The following COA1 variants were observed in gnomAD, a reference collection of about 807,000 sequenced individuals.
The protein encoded by COA1 is cytochrome c oxidase assembly factor 1.
A neutral mutation model predicts 16.0 loss-of-function variants in COA1; 13 were observed. The ratio of observed to expected loss-of-function variants is 0.81; its 90% confidence interval spans 0.53 to 1.29. COA1 has a LOEUF of 1.29. Ranked by LOEUF, COA1 falls within the 50% of genes most tolerant of loss-of-function variation. COA1 has a pLI of 0.00. For missense variants in COA1, 179 were observed against 177.0 expected (o/e 1.01, Z -0.06); for synonymous variants, 65 against 65.7 (o/e 0.99, Z 0.05).
chr7:43,691,377 G>A (rs186464681), intron 1 of COA1, among the ~76,000 whole-genome samples: 9,002 of 30,262 alleles, frequency 0.3, 1,042 homozygotes, highest in Admixed American at 0.35. Context: ...GGGAGGGAGG[G>A]AGGAAGGAAG....
In COA1 at chr7:43,639,528, G is replaced by A; in HGVS notation, c.*54C>T. 6.9e-7 allele frequency: 1 copy of A among 1,446,376 alleles called. No individual in the cohort carries two copies. Among genetic ancestry groups the A allele is most frequent in the Admixed American group, 1.7e-5 (1 of 59,516 alleles). The allele number at this position is 1,446,376 out of a possible 1,614,324, so 89.6% of individuals were successfully genotyped here. Reference sequence around the variant, plus strand: ...TGGGCCACCACCCCAGTGGCCATATGGTAGAGATGAGGGAAGGATGGACTA... The same window carrying A: ...TGGGCCACCACCCCAGTGGCCATATAGTAGAGATGAGGGAAGGATGGACTA... On this transcript the variant is annotated 3_prime_UTR_variant, in exon 6 of 6. Transcript: ENST00000223336.
intron 1 of COA1, among the ~76,000 whole-genome samples, chr7:43,672,292 A>G (rs774298040): frequency 7.9e-5 from 12 of 152,230 alleles, no homozygotes; most frequent in African/African-American, 2.9e-4. Flanking sequence ...AGCGAATCGA[A>G]TCTAGCAGCA....
At chr7:43,624,129 T>C (rs953815343) in intron 6 of COA1, among the ~76,000 whole-genome samples, 4 of 152,152 alleles carry the variant, frequency 2.6e-5, no homozygotes, top group African/African-American at 9.7e-5. Context: ...CATACCTCAG[T>C]ATAACAGGAT....
chr7:43,658,288 G>C (rs1175116946), intron 1 of COA1, among the ~76,000 whole-genome samples: 1 of 151,930 alleles, frequency 6.6e-6, no homozygotes, highest in Non-Finnish European at 1.5e-5. Context: ...GAACTTGAGA[G>C]GCAGAGCCTG....
chr7:43,722,296 C>T (rs1255653484), intron 1 of COA1, among the ~76,000 whole-genome samples: 1 of 152,004 alleles, frequency 6.6e-6, no homozygotes, highest in Non-Finnish European at 1.5e-5. Context: ...GGTTTCGCCA[C>T]TTTGCCCAAG....
chr7:43,719,221 GCCAC>G (rs2095457242), intron 1 of COA1, among the ~76,000 whole-genome samples: 1 of 152,106 alleles, frequency 6.6e-6, no homozygotes, highest in African/African-American at 2.4e-5. Flanking sequence ...GCCCAGCTCA[GCCAC>G]CCAAAGTGCT....
chr7:43,613,237 A>G (rs951811796), intron 6 of COA1, among the ~76,000 whole-genome samples: 2 of 152,206 alleles, frequency 1.3e-5, no homozygotes, highest in Admixed American at 6.5e-5. Context: ...TCAGGGTGCA[A>G]AAATTCCACA....
chr7:43,700,081 A>G (rs1161670017), intron 1 of COA1, among the ~76,000 whole-genome samples: 2 of 152,140 alleles, frequency 1.3e-5, no homozygotes, highest in Non-Finnish European at 2.9e-5. Context: ...AAAAATCAAG[A>G]CTGTACCAGC....
intron 1 of COA1, among the ~76,000 whole-genome samples, chr7:43,679,121 G>A (rs903556184): frequency 6.6e-6 from 1 of 152,072 alleles, no homozygotes. Context: ...CAAAAAATTA[G>A]CTGGGCATGG....
At chr7:43,720,171 C>A (rs920788547) in intron 1 of COA1, among the ~76,000 whole-genome samples, 5 of 151,506 alleles carry the variant, frequency 3.3e-5, no homozygotes, top group African/African-American at 1.2e-4. Context: ...CCCAGCTACT[C>A]GGGAGGCTGA....
At chr7:43,659,345 A>G (rs1383832562) in intron 1 of COA1, among the ~76,000 whole-genome samples, 1 of 152,242 alleles carries the variant, frequency 6.6e-6, no homozygotes, top group Non-Finnish European at 1.5e-5. Flanking sequence ...AGTAATGATA[A>G]AGAGTCTTGA....
intron 1 of COA1, among the ~76,000 whole-genome samples, chr7:43,694,133 T>G (rs1034942297): frequency 1.3e-4 from 19 of 148,332 alleles, no homozygotes; most frequent in African/African-American, 4.0e-4. Flanking sequence ...CACTGCACAC[T>G]AGATCCCAGT....
chr7:43,646,729 G>A, intron 3 of COA1: 1 of 416,808 alleles, frequency 2.4e-6, no homozygotes, highest in Admixed American at 2.5e-5. Context: ...GCTCATCTCA[G>A]GCCCCCTCCA....
chr7:43,645,204 C>G (rs2302031), intron 4 of COA1, 47 bp downstream of exon 4: 941,915 of 1,592,938 alleles, frequency 0.59, 284,174 homozygotes, highest in African/African-American at 0.84. Context: ...AGACTCTCCT[C>G]TCCTTCAGCA....
At chr7:43,653,615 A>G (rs1453037774) in intron 1 of COA1, among the ~76,000 whole-genome samples, 1 of 152,126 alleles carries the variant, frequency 6.6e-6, no homozygotes, top group Non-Finnish European at 1.5e-5. Flanking sequence ...CTTTATTCTT[A>G]ATCACGAGGC....
chr7:43,650,500 C>G (rs1210255438), intron 1 of COA1: 1 of 152,168 alleles, frequency 6.6e-6, no homozygotes, highest in Non-Finnish European at 1.5e-5. Flanking sequence ...TACTGTCATT[C>G]ACTAGGCATT....
chr7:43,714,537 G>A lies in COA1; in HGVS notation c.-39+14892C>T, dbSNP rs1018773856. 7.9e-5 allele frequency among the ~76,000 whole-genome samples: 12 copies of A among 151,456 alleles called. 1 individual carries two copies. The highest frequency in any genetic ancestry group is 7.9e-4 in the Admixed American group (12 of 15,230). ...CCAGCTACTCGGGAGGCTGAGGCAG[G>A]AGAATTGCTTGAACCCGGGAGGCAG... On this transcript the variant is annotated intron_variant, in intron 1 of 5. Coordinates refer to ENST00000223336, the MANE Select transcript of COA1 (RefSeq NM_018224.4).
At chr7:43,653,300 A>G (rs2091180291) in intron 1 of COA1, among the ~76,000 whole-genome samples, 1 of 151,088 alleles carries the variant, frequency 6.6e-6, no homozygotes, top group African/African-American at 2.4e-5. Flanking sequence ...CGACAAAGCG[A>G]CACTCCGTCT....
chr7:43,638,566 C>CTTTTTTTTTTTT (rs746584234), downstream of COA1, among the ~76,000 whole-genome samples: 1 of 97,424 alleles, frequency 1.0e-5, no homozygotes, highest in African/African-American at 3.9e-5. Flanking sequence ...TTTTTCTTTC[C>CTTTTTTTTTTTT]TTTTTTTTTT....
Sources: gnomAD v4.1 joint callset for allele counts (sites outside exome capture counted in the v4.1 genomes callset) on GRCh38, gnomAD v4.1.1 for gene constraint, MANE v1.5 for transcripts, NCBI Gene and HGNC (gene_info 2026-07-23, HGNC 2026-07-21) for gene names.